The following AFF4 variants were observed in gnomAD, a reference collection of about 807,000 sequenced individuals.
The protein encoded by AFF4 is AF4/FMR2 family member 4.
Under a neutral mutation model 124.8 loss-of-function variants are expected in AFF4, and 13 were observed. That is an observed-to-expected ratio of 0.10 (90% CI 0.07 to 0.17). AFF4 has a LOEUF of 0.17. AFF4 is among the 10% of genes least tolerant of loss of function. AFF4 has a pLI of 1.00. For missense variants in AFF4, 1,092 were observed against 1,403.8 expected (o/e 0.78, Z 3.55); for synonymous variants, 477 against 496.1 (o/e 0.96, Z 0.51).
chr5:132,908,379 G>A (rs533536523), intron 5 of AFF4, among the ~76,000 whole-genome samples: 1 of 152,110 alleles, frequency 6.6e-6, no homozygotes, highest in Non-Finnish European at 1.5e-5. Context: ...GGTTTCACTG[G>A]ATGCCACAAA....
intron 13 of AFF4, among the ~76,000 whole-genome samples, chr5:132,890,664 C>G (rs1353416051): frequency 6.6e-6 from 1 of 152,142 alleles, no homozygotes; most frequent in Non-Finnish European, 1.5e-5. Flanking sequence ...CACTGCCTAA[C>G]TTGGAAATTG....
At chr5:132,918,086 T>A (rs1245507912) in intron 5 of AFF4, among the ~76,000 whole-genome samples, 1 of 150,832 alleles carries the variant, frequency 6.6e-6, no homozygotes, top group Non-Finnish European at 1.5e-5. Flanking sequence ...ATTCCATTTA[T>A]AATAGCACTA....
rs905902630 is a variant in AFF4 at position 132,962,983 on chromosome 5, G to C, written c.-5+276C>G. Among the ~76,000 whole-genome samples the C allele has an allele frequency of 2.6e-5, 4 of 152,288 alleles. No homozygotes were observed. The East Asian group carries it at 7.7e-4, about 29-fold the overall frequency. ...TAACAAATCAGCCGATGGAACGTCTGAGGAAAGAAAGAGGAAAGGAGAAAC... is the reference window on the plus strand; with the variant it reads ...TAACAAATCAGCCGATGGAACGTCTCAGGAAAGAAAGAGGAAAGGAGAAAC... On this transcript the variant is annotated intron_variant, in intron 1 of 20. Coordinates refer to ENST00000265343, the MANE Select transcript of AFF4 (RefSeq NM_014423.4).
chr5:132,945,037 G>T, intron 1 of AFF4: 1 of 196,298 alleles, frequency 5.1e-6, no homozygotes, highest in East Asian at 1.2e-4. Flanking sequence ...CAGAAAGCTC[G>T]GAAGACTAAA....
intron 1 of AFF4, among the ~76,000 whole-genome samples, chr5:132,946,366 T>C (rs1462168802): frequency 1.3e-5 from 2 of 152,240 alleles, no homozygotes; most frequent in Non-Finnish European, 2.9e-5. Flanking sequence ...TACACCAATG[T>C]TCATAGCAGC....
chr5:132,926,113 G>T, intron 5 of AFF4: 1 of 252,200 alleles, frequency 4.0e-6, no homozygotes, highest in Non-Finnish European at 8.2e-6. Flanking sequence ...GCTGACTGAT[G>T]AAAGATACAG....
intron 4 of AFF4, among the ~76,000 whole-genome samples, chr5:132,931,900 C>T (rs929156358): frequency 1.3e-5 from 2 of 151,916 alleles, no homozygotes; most frequent in Non-Finnish European, 2.9e-5. Flanking sequence ...GCCAAGATCG[C>T]GCCACTGCAC....
chr5:132,902,619 C>T (rs1760579245), intron 6 of AFF4, 132 bp from the exon 7 acceptor site: 2 of 696,872 alleles, frequency 2.9e-6, no homozygotes, highest in Non-Finnish European at 5.1e-6. Flanking sequence ...ACTGGTAACA[C>T]CTTCAAGCCC....
At chr5:132,885,962 T>C (rs1760108391) in intron 18 of AFF4, among the ~76,000 whole-genome samples, 1 of 152,006 alleles carries the variant, frequency 6.6e-6, no homozygotes, top group Non-Finnish European at 1.5e-5. Flanking sequence ...TTAGTAGAGA[T>C]GGGGTTTCAC....
Position 132,889,041 on chromosome 5 carries a change from T to C in AFF4, c.2732+38A>G, listed in dbSNP as rs543344384. 410 of 1,565,542 alleles carry C rather than the reference T, an allele frequency of 2.6e-4. 10 individuals are homozygous for C. In the South Asian group the frequency reaches 4.4e-3, roughly 17 times the overall value. On this transcript the variant is annotated intron_variant, in intron 14 of 20. Transcript: ENST00000265343. ...GTTTCTTATATGCTGACTGGAATCA[T>C]TTCTTAAATACAGATACAAAAAATC...
intron 1 of AFF4, among the ~76,000 whole-genome samples, chr5:132,950,244 G>A (rs918668210): frequency 5.3e-5 from 8 of 152,164 alleles, no homozygotes; most frequent in African/African-American, 1.9e-4. Context: ...GGGAGGCCGA[G>A]GCAGACAGAT....
rs764857594 is a variant in AFF4 at position 132,947,871 on chromosome 5, C to T, written c.-4-10678G>A. 1.5e-4 allele frequency among the ~76,000 whole-genome samples: 23 copies of T among 152,108 alleles called. 1 individual carries two copies. Among genetic ancestry groups the T allele is most frequent in the Non-Finnish European group, 3.2e-4 (22 of 68,024 alleles). The stretch of plus-strand genomic sequence containing the variant: ...AATATTTAGCACAGAAGGACCTTTG[C>T]CCCAAAGTTAGTCATGAGACTTCTA... On this transcript the variant is annotated intron_variant, in intron 1 of 20. Coordinates refer to ENST00000265343, the MANE Select transcript of AFF4 (RefSeq NM_014423.4).
At chr5:132,934,079 C>A in intron 3 of AFF4, 68 bp downstream of exon 3, 3 of 1,490,360 alleles carry the variant, frequency 2.0e-6, no homozygotes, top group East Asian at 2.3e-5. Flanking sequence ...CAAGTTCAAT[C>A]GTAATTTCAT....
At position 132,892,409 on chromosome 5, in the gene AFF4, C is replaced by G. The variant is rs1272970505; in HGVS notation, c.2397-5G>C. On this transcript the variant is annotated splice_region_variant and splice_polypyrimidine_tract_variant and intron_variant, in intron 12 of 20. Coordinates refer to ENST00000265343, the MANE Select transcript of AFF4 (RefSeq NM_014423.4). ...GCAGCACTCTGCTTAGATGACCTGC[C>G]AAACCAAACGAATGCCTTCATTTCT... The G allele has an allele frequency of 1.2e-6, 2 of 1,605,930 alleles. No homozygotes were observed. The highest frequency in any genetic ancestry group is 1.7e-6 in the Non-Finnish European group (2 of 1,174,362).
intron 1 of AFF4, among the ~76,000 whole-genome samples, chr5:132,957,690 C>CCA (rs1298595653): frequency 3.3e-4 from 50 of 152,052 alleles, no homozygotes; most frequent in Admixed American, 3.3e-3. Flanking sequence ...TGAGATCATG[C>CCA]CACTGTACTC....
chr5:132,887,063 T>G lies in AFF4; in HGVS notation c.3005+458A>C, dbSNP rs148986733. ...CATGATGAATAGGGCTGTGTTAGTCTTCTTCTTAGCTGCATTCCCAGTGTT... is the reference window on the plus strand; with the variant it reads ...CATGATGAATAGGGCTGTGTTAGTCGTCTTCTTAGCTGCATTCCCAGTGTT... On this transcript the variant is annotated intron_variant, in intron 17 of 20. Coordinates refer to ENST00000265343, the MANE Select transcript of AFF4 (RefSeq NM_014423.4). Among the ~76,000 whole-genome samples the G allele has an allele frequency of 5.4e-3, 821 of 152,350 alleles. 4 individuals carry two copies. The highest frequency in any genetic ancestry group is 0.027 in the Middle Eastern group (8 of 294).
intron 17 of AFF4, 62 bp from the exon 18 acceptor site, chr5:132,886,465 G>C: frequency 6.8e-7 from 1 of 1,477,652 alleles, no homozygotes; most frequent in Non-Finnish European, 9.4e-7. Context: ...GATTTGCACA[G>C]ACAGCCTTTG....
At position 132,918,441 on chromosome 5, in the gene AFF4, C is replaced by T. The variant is rs1408789343; in HGVS notation, c.1050+8680G>A. 1.8e-4 allele frequency among the ~76,000 whole-genome samples: 28 copies of T among 152,086 alleles called. 1 individual carries two copies. Among genetic ancestry groups the T allele is most frequent in the Admixed American group, 1.8e-3 (28 of 15,262 alleles). ...CTTTGGGAGGCCGAGGCAGGTGGAT[C>T]AGTTGAGGTCAGGAGTTAGAGACCA... On this transcript the variant is annotated intron_variant, in intron 5 of 20. Transcript: ENST00000265343.
chr5:132,886,832 C>G (rs1760131109), intron 17 of AFF4, among the ~76,000 whole-genome samples: 1 of 152,164 alleles, frequency 6.6e-6, no homozygotes, highest in African/African-American at 2.4e-5. Flanking sequence ...CCAGTCACAC[C>G]CACTTCTCGC....
Sources: allele counts gnomAD v4.1 joint callset (sites outside exome capture counted in the v4.1 genomes callset), GRCh38; gene constraint gnomAD v4.1.1; transcripts MANE v1.5; gene names NCBI Gene and HGNC (gene_info 2026-07-23, HGNC 2026-07-21).